Variants in GGA1 observed in about 807,000 individuals in gnomAD.
GGA1 encodes golgi associated, gamma adaptin ear containing, ARF binding protein 1.
Under a neutral mutation model 76.9 loss-of-function variants are expected in GGA1, and 18 were observed. That is an observed-to-expected ratio of 0.23 (90% confidence interval 0.16 to 0.35). The LOEUF (loss-of-function observed/expected upper bound fraction) is 0.35, where lower values mean the gene tolerates loss of function less well. Ranked by LOEUF, GGA1 falls within the 10% of genes least tolerant of loss-of-function variation. The probability of loss-of-function intolerance (pLI) is 1.00; values close to 1 mark genes in which losing one functional copy is unlikely to be tolerated. For missense variants in GGA1, 755 were observed against 859.0 expected (o/e 0.88, Z 1.51); for synonymous variants, 342 against 354.7 (o/e 0.96, Z 0.40).
chr22:37,617,488 A>G (rs1023207472), intron 3 of GGA1: 24 of 993,394 alleles, frequency 2.4e-5, no homozygotes, highest in Non-Finnish European at 2.9e-5. Context: ...CCAACCCACC[A>G]TGGAGCAAAG....
rs375723220 is a variant in GGA1 at position 37,623,310 on chromosome 22, G to A, written c.610-17G>A. 79 of 1,613,326 alleles carry A rather than the reference G, an allele frequency of 4.9e-5. No individual in the cohort carries two copies. Among genetic ancestry groups the A allele is most frequent in the Non-Finnish European group, 6.7e-5 (79 of 1,179,458 alleles). ...AGGCCAAAGGTTCTCAGGGGCCCTTGGCCAATGTGTCCCCAGGACCAGAAG... is the reference window on the plus strand; with the variant it reads ...AGGCCAAAGGTTCTCAGGGGCCCTTAGCCAATGTGTCCCCAGGACCAGAAG... On this transcript the variant is annotated splice_polypyrimidine_tract_variant and intron_variant, in intron 7 of 16. Coordinates refer to ENST00000343632, the MANE Select transcript of GGA1 (RefSeq NM_013365.5). This position sits in a 1 kb window ranked among gnomAD's most constrained non-coding sequence, Gnocchi z 4.6.
In GGA1 at chr22:37,626,201, A is replaced by G; in HGVS notation, c.1093+252A>G. 3 of 360,114 alleles carry G rather than the reference A, an allele frequency of 8.3e-6. No individual in the cohort carries two copies. The East Asian group carries it at 1.2e-4, about 15-fold the overall frequency. The allele number at this position is 360,114 out of a possible 1,614,324, so 22.3% of individuals were successfully genotyped here. A position where few individuals can be genotyped will look rare whatever the true frequency, so the allele number is the denominator to read the frequency against. ...GCCTCGGATAAGCTAACCAGCATTC[A>G]GGCTCTGGCAGCCTGGGGGGAAACC... On this transcript the variant is annotated intron_variant, in intron 11 of 16. Transcript: ENST00000343632.
At chr22:37,627,970 G>C in intron 11 of GGA1, among the ~76,000 whole-genome samples, 1 of 152,220 alleles carries the variant, frequency 6.6e-6, no homozygotes, top group East Asian at 1.9e-4. Flanking sequence ...GGGACTACAG[G>C]TGTGTGCCAC....
intron 2 of GGA1, 111 bp from the exon 3 acceptor site, chr22:37,616,811 G>A: frequency 7.3e-7 from 1 of 1,367,590 alleles, no homozygotes; most frequent in Non-Finnish European, 9.6e-7. Flanking sequence ...CTCCCCTAGG[G>A]CGACCAGGGC....
Position 37,624,607 on chromosome 22 carries a change from A to C in GGA1, c.833-362A>C. The stretch of plus-strand genomic sequence containing the variant: ...GAAGGGATGAGGTGGTGCAGGAGGG[A>C]TTTAGGACAGGCCTCCCTGAGGTGA... On this transcript the variant is annotated intron_variant, in intron 9 of 16. Transcript: ENST00000343632. This position sits in a 1 kb window ranked among gnomAD's most constrained non-coding sequence, Gnocchi z 4.3. 1 of 220,166 alleles carries C rather than the reference A, an allele frequency of 4.5e-6. No homozygotes were observed. The allele number at this position is 220,166 out of a possible 1,614,324, so 13.6% of individuals were successfully genotyped here.
intron 11 of GGA1, among the ~76,000 whole-genome samples, chr22:37,627,649 C>T (rs768893322): frequency 6.6e-6 from 1 of 152,212 alleles, no homozygotes; most frequent in Non-Finnish European, 1.5e-5. Context: ...GCTGCAGCAC[C>T]ACCTCCACAA....
intron 3 of GGA1, chr22:37,618,162 G>A (rs1929167539): frequency 3.7e-6 from 1 of 271,190 alleles, no homozygotes; most frequent in East Asian, 6.3e-5. Flanking sequence ...AGAAAATAAT[G>A]TACAGTTGGT....
chr22:37,620,698 G>A, intron 5 of GGA1, 115 bp from the exon 6 acceptor site: 2 of 750,238 alleles, frequency 2.7e-6, no homozygotes, highest in South Asian at 2.9e-5. Context: ...CCAGCGTGCT[G>A]GCAAAAGACT....
intron 11 of GGA1, chr22:37,627,032 A>G (rs1010485922): frequency 5.3e-5 from 8 of 152,260 alleles, no homozygotes; most frequent in African/African-American, 1.9e-4. Flanking sequence ...GTGGTGGCAC[A>G]TGCCTGTAGT....
intron 1 of GGA1, chr22:37,612,825 G>T: frequency 1.6e-6 from 1 of 636,030 alleles, no homozygotes; most frequent in African/African-American, 2.0e-5. Context: ...TGGGGAAATG[G>T]AGGTTCAGGG....
chr22:37,632,883 G>T lies in GGA1; in HGVS notation c.*172G>T. ...AGTGACTCTTCCCCCTCCTGCTCCG[G>T]CCCCGCCCCTGCTGAGCCAAACCCA... On this transcript the variant is annotated 3_prime_UTR_variant, in exon 17 of 17. Transcript: ENST00000343632. The surrounding 1 kb of genome is among the most constrained non-coding windows in gnomAD (Gnocchi z 5.1). 1.7e-6 allele frequency: 1 copy of T among 595,656 alleles called. No homozygotes were observed. Among genetic ancestry groups the T allele is most frequent in the Non-Finnish European group, 3.0e-6 (1 of 331,244 alleles). The allele number at this position is 595,656 out of a possible 1,614,324, so 36.9% of individuals were successfully genotyped here. A position where few individuals can be genotyped will look rare whatever the true frequency, so the allele number is the denominator to read the frequency against.
chr22:37,631,974 G>A (rs759985063), intron 14 of GGA1, 22 bp from the exon 15 acceptor site: 55 of 1,587,004 alleles, frequency 3.5e-5, no homozygotes, highest in South Asian at 1.1e-4. Context: ...CTGTCCCATC[G>A]CCCTCCCACC....
In GGA1 at chr22:37,624,852, C is replaced by T; in HGVS notation, c.833-117C>T. On this transcript the variant is annotated intron_variant, in intron 9 of 16. Coordinates refer to ENST00000343632, the MANE Select transcript of GGA1 (RefSeq NM_013365.5). This position sits in a 1 kb window ranked among gnomAD's most constrained non-coding sequence, Gnocchi z 4.3. Reference sequence around the variant, plus strand: ...TCAGCAGACGAGATGGGCTGTTTCCCTGCCCCTTTCCCTTCCCCTCACACA... The same window carrying T: ...TCAGCAGACGAGATGGGCTGTTTCCTTGCCCCTTTCCCTTCCCCTCACACA... 1 of 1,412,286 alleles carries T rather than the reference C, an allele frequency of 7.1e-7. No individual in the cohort carries two copies. The highest frequency in any genetic ancestry group is 1.4e-5 in the South Asian group (1 of 73,576). The allele number at this position is 1,412,286 out of a possible 1,614,324, so 87.5% of individuals were successfully genotyped here.
At position 37,629,635 on chromosome 22, in the gene GGA1, C is replaced by T. The variant is rs950781527; in HGVS notation, c.1158+109C>T. The T allele has an allele frequency of 2.9e-6, 2 of 699,944 alleles. 1 individual carries two copies. 43.4% of individuals were successfully genotyped at this position (699,944 alleles called of 1,614,324 possible). A position where few individuals can be genotyped will look rare whatever the true frequency, so the allele number is the denominator to read the frequency against. On this transcript the variant is annotated intron_variant, in intron 12 of 16. Transcript: ENST00000343632. ...GGATGGATGGGCTCTACTCAAGAGCCCAGGGCCAGGGGGTGGCCCAGGGGC... is the reference window on the plus strand; with the variant it reads ...GGATGGATGGGCTCTACTCAAGAGCTCAGGGCCAGGGGGTGGCCCAGGGGC...
chr22:37,624,758 C>A lies in GGA1; in HGVS notation c.833-211C>A. On this transcript the variant is annotated intron_variant, in intron 9 of 16. Transcript: ENST00000343632. This position sits in a 1 kb window ranked among gnomAD's most constrained non-coding sequence, Gnocchi z 4.3. ...GCCCAGTGTGTTGAGACAGCCCAGGCAGTATGGCAGGGAGTGAATGAGGGA... is the reference window on the plus strand; with the variant it reads ...GCCCAGTGTGTTGAGACAGCCCAGGAAGTATGGCAGGGAGTGAATGAGGGA... The A allele has an allele frequency of 1.7e-6, 1 of 589,938 alleles. No individual in the cohort carries two copies. The highest frequency in any genetic ancestry group is 1.9e-5 in the African/African-American group (1 of 53,366). 36.5% of individuals were successfully genotyped at this position (589,938 alleles called of 1,614,324 possible). A position where few individuals can be genotyped will look rare whatever the true frequency, so the allele number is the denominator to read the frequency against.
intron 13 of GGA1, chr22:37,630,598 A>G: frequency 2.1e-6 from 1 of 465,978 alleles, no homozygotes; most frequent in South Asian, 2.9e-5. Context: ...AGGGAGTCTC[A>G]CCCTGTCACC....
At chr22:37,630,583 T>C in intron 13 of GGA1, 1 of 453,132 alleles carries the variant, frequency 2.2e-6, no homozygotes, top group Non-Finnish European at 3.9e-6. Flanking sequence ...TTTTCTTTTT[T>C]TGAGAGGGAG....
intron 3 of GGA1, chr22:37,617,327 G>A (rs945743726): frequency 8.8e-5 from 108 of 1,232,662 alleles, no homozygotes; most frequent in Middle Eastern, 3.2e-4. Context: ...CAGACCTGCC[G>A]AGGCCACACT....
intron 6 of GGA1, 86 bp downstream of exon 6, chr22:37,620,999 C>T (rs967786747): frequency 7.3e-6 from 6 of 822,116 alleles, no homozygotes; most frequent in African/African-American, 3.3e-5. Flanking sequence ...TGGCATCAGC[C>T]GTTGGAACAG....
Sources: gnomAD v4.1 joint callset for allele counts (sites outside exome capture counted in the v4.1 genomes callset) on GRCh38, gnomAD v4.1.1 for gene constraint, Gnocchi (gnomAD v3.1) non-coding constraint, MANE v1.5 for transcripts, NCBI Gene and HGNC (gene_info 2026-07-23, HGNC 2026-07-21) for gene names.